AFF3: variants seen among roughly 807,000 people sequenced by gnomAD.
The protein encoded by AFF3 is ALF transcription elongation factor 3.
A neutral mutation model predicts 129.7 loss-of-function variants in AFF3; 32 were observed. That is an observed-to-expected ratio of 0.25 (90% CI 0.19 to 0.33). The LOEUF (loss-of-function observed/expected upper bound fraction) is 0.33. AFF3 is among the 10% of genes least tolerant of loss of function. The pLI is 1.00. For synonymous variants in AFF3, 644 were observed against 635.4 expected (o/e 1.01, Z -0.20); for missense variants, 1,373 against 1,592.0 (o/e 0.86, Z 2.34).
intron 7 of AFF3, among the ~76,000 whole-genome samples, chr2:99,895,101 T>C (rs1576298007): frequency 6.6e-6 from 1 of 152,216 alleles, no homozygotes; most frequent in South Asian, 2.1e-4. Flanking sequence ...CTGAACTTCT[T>C]CTGTATAAGA....
intron 7 of AFF3, among the ~76,000 whole-genome samples, chr2:99,979,613 G>A (rs929523492): frequency 5.9e-5 from 9 of 151,712 alleles, no homozygotes; most frequent in African/African-American, 2.2e-4. Flanking sequence ...TGAGTTGCTG[G>A]GATTACAGAC....
intron 7 of AFF3, among the ~76,000 whole-genome samples, chr2:99,932,420 A>T (rs1360985618): frequency 6.6e-6 from 1 of 152,162 alleles, no homozygotes; most frequent in Non-Finnish European, 1.5e-5. Context: ...ATTAAAGAAA[A>T]CAAGATTTGC....
At chr2:100,071,149 G>T (rs1397668625) in intron 4 of AFF3, among the ~76,000 whole-genome samples, 4 of 152,096 alleles carry the variant, frequency 2.6e-5, no homozygotes, top group Non-Finnish European at 5.9e-5. Context: ...GAAACACACT[G>T]CAATTTAATG....
chr2:99,574,016 T>G (rs546366134), intron 18 of AFF3, among the ~76,000 whole-genome samples: 1 of 152,320 alleles, frequency 6.6e-6, no homozygotes, highest in South Asian at 2.1e-4. Context: ...GAGGCCTTCA[T>G]GACACAGTTG....
chr2:99,647,461 A>G (rs982796791), intron 13 of AFF3, among the ~76,000 whole-genome samples: 8 of 152,144 alleles, frequency 5.3e-5, no homozygotes, highest in African/African-American at 1.9e-4. Context: ...CATGACGGGG[A>G]AACACACACT....
At chr2:99,812,684 T>A (rs1311332941) in intron 8 of AFF3, among the ~76,000 whole-genome samples, 1 of 152,248 alleles carries the variant, frequency 6.6e-6, no homozygotes, top group Non-Finnish European at 1.5e-5. Context: ...AACGGCACTA[T>A]GAATAATAAT....
At chr2:99,565,846 A>G (rs1296385350) in intron 19 of AFF3, among the ~76,000 whole-genome samples, 9 of 152,184 alleles carry the variant, frequency 5.9e-5, no homozygotes, top group Non-Finnish European at 1.2e-4. Context: ...ATTGTATCAA[A>G]CCCATGTGAC....
At chr2:99,713,714 T>C (rs1404041704) in intron 11 of AFF3, among the ~76,000 whole-genome samples, 1 of 151,602 alleles carries the variant, frequency 6.6e-6, no homozygotes, top group Non-Finnish European at 1.5e-5. Context: ...TTTTTTTTTT[T>C]CTAGAGAGAG....
chr2:100,068,731 C>T (rs963423900), intron 4 of AFF3, among the ~76,000 whole-genome samples: 6 of 152,244 alleles, frequency 3.9e-5, no homozygotes, highest in African/African-American at 1.4e-4. Context: ...GGACTCCCGA[C>T]GCCCACCATC....
At chr2:100,107,409 G>C (rs1283208720) in intron 2 of AFF3, 2 of 985,302 alleles carry the variant, frequency 2.0e-6, no homozygotes, top group East Asian at 2.3e-4. Flanking sequence ...GCAAAAAAAG[G>C]GTTTGGACTT....
chr2:99,581,496 C>A (rs1677540593), intron 17 of AFF3, among the ~76,000 whole-genome samples: 1 of 151,820 alleles, frequency 6.6e-6, no homozygotes, highest in Non-Finnish European at 1.5e-5. Context: ...CCTCATCTTT[C>A]TCATCTTTCT....
In AFF3 at chr2:100,106,595, T is replaced by C. The variant is rs529880651; in HGVS notation, c.-144-1012A>G. 2.7e-3 allele frequency: 2,683 copies of C among 989,072 alleles called. 5 individuals carry two copies. Among genetic ancestry groups the C allele is most frequent in the Non-Finnish European group, 3.0e-3 (2,460 of 832,258 alleles). The allele number at this position is 989,072 out of a possible 1,614,324, so 61.3% of individuals were successfully genotyped here. On this transcript the variant is annotated intron_variant, in intron 2 of 24. Transcript: ENST00000672756. ...TGGAGGAGGGAGCAGGAACAGCCCC[T>C]GTCTGGAAGAACTGCAAGTTCTGAG...
intron 4 of AFF3, among the ~76,000 whole-genome samples, chr2:100,067,859 T>G (rs778212804): frequency 3.3e-5 from 5 of 152,124 alleles, no homozygotes; most frequent in Non-Finnish European, 5.9e-5. Flanking sequence ...AACTAAATAA[T>G]GGCCCAGAAG....
intron 4 of AFF3, among the ~76,000 whole-genome samples, chr2:100,040,206 T>C (rs2105044230): frequency 6.6e-6 from 1 of 152,250 alleles, no homozygotes; most frequent in South Asian, 2.1e-4. Context: ...ATATGACGAT[T>C]ATTGCTTACA....
chr2:99,576,417 G>A (rs1241386734), intron 18 of AFF3, among the ~76,000 whole-genome samples: 1 of 150,834 alleles, frequency 6.6e-6, no homozygotes, highest in Non-Finnish European at 1.5e-5. Context: ...TCAGGAGGCT[G>A]AGGCAAGAAG....
chr2:99,664,648 T>C (rs1045070009), intron 12 of AFF3, among the ~76,000 whole-genome samples: 3 of 152,244 alleles, frequency 2.0e-5, no homozygotes, highest in Non-Finnish European at 4.4e-5. Flanking sequence ...TGAAAAATCA[T>C]AGAGTTCAGG....
At chr2:99,742,217 G>T (rs995134010) in intron 10 of AFF3, among the ~76,000 whole-genome samples, 2 of 152,058 alleles carry the variant, frequency 1.3e-5, no homozygotes, top group East Asian at 3.9e-4. Flanking sequence ...AGTGGTATGT[G>T]CCTGTAGTCC....
chr2:99,748,828 T>C (rs372504448), intron 9 of AFF3, among the ~76,000 whole-genome samples: 24 of 152,226 alleles, frequency 1.6e-4, no homozygotes, highest in African/African-American at 2.7e-4. Context: ...CCATTATTAC[T>C]TTCTTGACCC....
At chr2:100,137,509 G>A (rs148058424) in intron 1 of AFF3, among the ~76,000 whole-genome samples, 5 of 151,176 alleles carry the variant, frequency 3.3e-5, no homozygotes, top group East Asian at 4.0e-4. Flanking sequence ...TGCCTGGTGC[G>A]TGCATGTGTG....
Sources: allele counts gnomAD v4.1 joint callset (sites outside exome capture counted in the v4.1 genomes callset), GRCh38; gene constraint gnomAD v4.1.1; transcripts MANE v1.5; gene names NCBI Gene and HGNC (gene_info 2026-07-23, HGNC 2026-07-21).